The following DOK6 variants were observed in gnomAD, a reference collection of about 807,000 sequenced individuals.
The protein encoded by DOK6 is docking protein 6.
DOK6 carries 22 observed loss-of-function variants against 44.0 expected under a neutral mutation model. The ratio of observed to expected loss-of-function variants is 0.50; its 90% CI spans 0.36 to 0.71. The LOEUF (loss-of-function observed/expected upper bound fraction) is 0.71. DOK6 is among the 30% of genes least tolerant of loss of function. DOK6 has a pLI of 0.00. For synonymous variants in DOK6, 166 were observed against 145.5 expected, an observed-to-expected ratio of 1.14 and a Z score of -1.01; for missense variants, 340 against 416.4, an observed-to-expected ratio of 0.82 and a Z score of 1.60.
At chr18:69,483,664 C>T (rs1295629129) in intron 1 of DOK6, 1 of 152,090 alleles carries the variant, frequency 6.6e-6, no homozygotes, top group Non-Finnish European at 1.5e-5. Flanking sequence ...GCTCAGTGAA[C>T]TGCAGGTGCC....
At position 69,401,321 on chromosome 18, in the gene DOK6, C is replaced by G. The variant is rs201119676; in HGVS notation, c.66+11C>G. 1 of 1,522,128 alleles carries G rather than the reference C, an allele frequency of 6.6e-7. No homozygotes were observed. The highest frequency in any genetic ancestry group is 2.0e-5 in the Admixed American group (1 of 49,310). 94.3% of individuals were successfully genotyped at this position (1,522,128 alleles called of 1,614,324 possible). A position where few individuals can be genotyped will look rare whatever the true frequency, so the allele number is the denominator to read the frequency against. On this transcript the variant is annotated intron_variant, in intron 1 of 7. Transcript: ENST00000382713. ...AGCAGGAAGCTTGGGGTGAGTGGCTCGCTCGGCTTGCTCCTTCCCCGGCGC... is the reference window on the plus strand; with the variant it reads ...AGCAGGAAGCTTGGGGTGAGTGGCTGGCTCGGCTTGCTCCTTCCCCGGCGC...
intron 1 of DOK6, among the ~76,000 whole-genome samples, chr18:69,501,635 G>A (rs1041693904): frequency 2.6e-5 from 4 of 152,044 alleles, no homozygotes; most frequent in African/African-American, 4.8e-5. Context: ...AACAATTGTT[G>A]CAAAATGCCT....
At chr18:69,665,202 C>T (rs779430073) in intron 3 of DOK6, among the ~76,000 whole-genome samples, 5 of 151,676 alleles carry the variant, frequency 3.3e-5, no homozygotes, top group Non-Finnish European at 7.4e-5. Flanking sequence ...AAAAAAAATG[C>T]ATTAACTCCT....
intron 6 of DOK6, among the ~76,000 whole-genome samples, chr18:69,756,715 C>G (rs1364173605): frequency 2.0e-5 from 3 of 152,148 alleles, no homozygotes; most frequent in African/African-American, 4.8e-5. Context: ...TGTGACCCAT[C>G]CAAGCATCGA....
chr18:69,841,194 T>C (rs1329886737), intron 7 of DOK6, 50 bp from the exon 8 acceptor site: 1 of 1,609,754 alleles, frequency 6.2e-7, no homozygotes, highest in Non-Finnish European at 8.5e-7. Flanking sequence ...GTGTATCTTT[T>C]GTGCTTCTGA....
At position 69,623,359 on chromosome 18, in the gene DOK6, A is replaced by G. The variant is rs561522393; in HGVS notation, c.289+23861A>G. ...ATACACCACACTTTGTTTTTACACTATGTTAATTGTTTGTGGATACTTCAT... is the reference window on the plus strand; with the variant it reads ...ATACACCACACTTTGTTTTTACACTGTGTTAATTGTTTGTGGATACTTCAT... On this transcript the variant is annotated intron_variant, in intron 3 of 7. Coordinates refer to ENST00000382713, the MANE Select transcript of DOK6 (RefSeq NM_152721.6). Among the ~76,000 whole-genome samples, 9 of 152,252 alleles carry G rather than the reference A, an allele frequency of 5.9e-5. No homozygotes were observed. In the South Asian group the frequency reaches 1.7e-3, roughly 28 times the overall value.
chr18:69,409,045 C>T lies in DOK6; in HGVS notation c.66+7735C>T, dbSNP rs1202554637. On this transcript the variant is annotated intron_variant, in intron 1 of 7. Coordinates refer to ENST00000382713, the MANE Select transcript of DOK6 (RefSeq NM_152721.6). ...ATCCCCACGTGTCATGGGAGGGACCCGGTGGGAGGTAACTGAATCATGGGA... is the reference window on the plus strand; with the variant it reads ...ATCCCCACGTGTCATGGGAGGGACCTGGTGGGAGGTAACTGAATCATGGGA... Among the ~76,000 whole-genome samples the T allele has an allele frequency of 5.9e-5, 9 of 152,066 alleles. No individual in the cohort carries two copies. In the East Asian group the frequency reaches 1.5e-3, roughly 26 times the overall value.
chr18:69,425,569 TATAAA>T (rs1192700732), intron 1 of DOK6, among the ~76,000 whole-genome samples: 1 of 152,076 alleles, frequency 6.6e-6, no homozygotes, highest in African/African-American at 2.4e-5. Context: ...TTGAATGTAT[TATAAA>T]ATATTTTATT....
chr18:69,828,550 T>A (rs1242863586), intron 7 of DOK6, among the ~76,000 whole-genome samples: 2 of 151,798 alleles, frequency 1.3e-5, no homozygotes, highest in Non-Finnish European at 3.0e-5. Flanking sequence ...GACATAAGAC[T>A]ATTTTTATTA....
intron 7 of DOK6, among the ~76,000 whole-genome samples, chr18:69,762,304 G>A (rs1347323561): frequency 6.6e-6 from 1 of 152,174 alleles, no homozygotes; most frequent in Non-Finnish European, 1.5e-5. Context: ...TCACACCACT[G>A]CACTGTAGCC....
At chr18:69,521,625 A>T (rs1275333530) in intron 1 of DOK6, among the ~76,000 whole-genome samples, 1 of 151,922 alleles carries the variant, frequency 6.6e-6, no homozygotes, top group Non-Finnish European at 1.5e-5. Context: ...ATTTTTCCTT[A>T]ATTCTTCTAG....
chr18:69,596,618 C>T (rs1276243962), intron 2 of DOK6, among the ~76,000 whole-genome samples: 1 of 151,794 alleles, frequency 6.6e-6, no homozygotes, highest in Non-Finnish European at 1.5e-5. Flanking sequence ...AACACGCCCA[C>T]AAAGAATCTT....
intron 1 of DOK6, among the ~76,000 whole-genome samples, chr18:69,551,026 A>G (rs1391408912): frequency 1.3e-5 from 2 of 151,374 alleles, no homozygotes; most frequent in African/African-American, 4.9e-5. Flanking sequence ...TAACTTATTT[A>G]CAGGAAGTAA....
intron 3 of DOK6, among the ~76,000 whole-genome samples, chr18:69,613,027 T>C (rs528768155): frequency 1.7e-4 from 26 of 152,074 alleles, no homozygotes; most frequent in Middle Eastern, 3.4e-3. Flanking sequence ...TGTGCCACCA[T>C]GCCCGGCTAA....
chr18:69,579,965 A>T (rs1983328608), intron 2 of DOK6, among the ~76,000 whole-genome samples: 2 of 152,142 alleles, frequency 1.3e-5, no homozygotes, highest in African/African-American at 4.8e-5. Flanking sequence ...TCCATCTTCC[A>T]AGCAAACTGA....
chr18:69,679,977 C>A (rs967452273), intron 4 of DOK6, among the ~76,000 whole-genome samples: 14 of 151,654 alleles, frequency 9.2e-5, no homozygotes, highest in Non-Finnish European at 1.6e-4. Context: ...ACACACAAGT[C>A]AAAATAAAGA....
intron 1 of DOK6, among the ~76,000 whole-genome samples, chr18:69,555,020 C>A (rs1982653626): frequency 6.6e-6 from 1 of 152,072 alleles, no homozygotes; most frequent in African/African-American, 2.4e-5. Flanking sequence ...GGATATGTAC[C>A]CATTTAACAG....
intron 3 of DOK6, among the ~76,000 whole-genome samples, chr18:69,630,846 T>C (rs891538016): frequency 1.3e-5 from 2 of 152,198 alleles, no homozygotes; most frequent in Admixed American, 6.5e-5. Flanking sequence ...ACATTTTTTG[T>C]CTTACTCAGA....
intron 3 of DOK6, among the ~76,000 whole-genome samples, chr18:69,675,805 G>T (rs149749685): frequency 1.3e-5 from 2 of 152,070 alleles, no homozygotes; most frequent in African/African-American, 4.8e-5. Flanking sequence ...TTTAAATCTT[G>T]TATACATTTT....
Sources: allele counts gnomAD v4.1 joint callset (sites outside exome capture counted in the v4.1 genomes callset), GRCh38; gene constraint gnomAD v4.1.1; transcripts MANE v1.5; gene names NCBI Gene and HGNC (gene_info 2026-07-23, HGNC 2026-07-21).